Variants in DAPK1 observed in about 807,000 individuals in gnomAD.
DAPK1 encodes death associated protein kinase 1.
In DAPK1, 56 loss-of-function variants were observed where a neutral mutation model predicts 144.9. The ratio of observed to expected loss-of-function variants is 0.39; its 90% CI spans 0.31 to 0.48. The LOEUF (loss-of-function observed/expected upper bound fraction) is 0.48, where lower values mean the gene tolerates loss of function less well. DAPK1 is among the 20% of genes least tolerant of loss of function. The probability of loss-of-function intolerance (pLI) is 0.95; values close to 1 mark genes in which losing one functional copy is unlikely to be tolerated. For missense variants in DAPK1, 1,454 were observed against 1,875.4 expected, an observed-to-expected ratio of 0.78 and a Z score of 4.15; for synonymous variants, 690 against 749.0, an observed-to-expected ratio of 0.92 and a Z score of 1.29.
At chr9:87,567,037 T>C (rs1310591868) in intron 2 of DAPK1, among the ~76,000 whole-genome samples, 1 of 148,466 alleles carries the variant, frequency 6.7e-6, no homozygotes, top group Non-Finnish European at 1.5e-5. Context: ...AGAATTCACG[T>C]TGGCAGTTAA....
At position 87,668,693 on chromosome 9, in the gene DAPK1, G is replaced by T. The variant is rs978620146; in HGVS notation, c.2001+19G>T. ...TCGAAAGGTGAGAAGTTCTGTTATA[G>T]GTCTGAAGTTCTCTACCTGTGTTTA... is the stretch of plus-strand genomic sequence containing the variant. On this transcript the variant is annotated intron_variant, in intron 19 of 25. Transcript: ENST00000408954. The T allele has an allele frequency of 2.9e-6, 3 of 1,018,216 alleles. No homozygotes were observed. The African/African-American group carries it at 4.7e-5, about 16-fold the overall frequency. 63.1% of individuals were successfully genotyped at this position (1,018,216 alleles called of 1,614,324 possible).
chr9:87,665,576 A>C (rs1831021492), intron 18 of DAPK1, among the ~76,000 whole-genome samples: 1 of 152,216 alleles, frequency 6.6e-6, no homozygotes, highest in Admixed American at 6.5e-5. Flanking sequence ...TTCCTTTGCG[A>C]AGCATATTAC....
chr9:87,604,893 TC>T (rs1395847758), intron 2 of DAPK1, 60 bp from the exon 3 acceptor site: 148 of 1,510,182 alleles, frequency 9.8e-5, no homozygotes, highest in Middle Eastern at 8.5e-4. Context: ...CCATGCCACA[TC>T]CTCACTCAAA....
At chr9:87,676,353 A>AGATCTC in intron 19 of DAPK1, among the ~76,000 whole-genome samples, 1 of 152,258 alleles carries the variant, frequency 6.6e-6, no homozygotes, top group Non-Finnish European at 1.5e-5. Context: ...ATAGATCATT[A>AGATCTC]CGTGGATGAA....
intron 17 of DAPK1, among the ~76,000 whole-genome samples, chr9:87,656,572 C>T (rs937565696): frequency 6.6e-6 from 1 of 152,314 alleles, no homozygotes; most frequent in East Asian, 1.9e-4. Flanking sequence ...TGCATTACTG[C>T]AGAAGATAAT....
intron 20 of DAPK1, among the ~76,000 whole-genome samples, chr9:87,685,379 C>T (rs566981869): frequency 2.3e-4 from 35 of 152,276 alleles, no homozygotes; most frequent in African/African-American, 7.9e-4. Flanking sequence ...GTGTTTGGAT[C>T]GCCTGTTTTA....
intron 10 of DAPK1, 40 bp from the exon 11 acceptor site, chr9:87,643,336 C>T (rs370472806): frequency 7.2e-6 from 9 of 1,256,638 alleles, no homozygotes; most frequent in African/African-American, 6.6e-5. Context: ...CCTTTTTCCT[C>T]CCCGCCCTCC....
intron 17 of DAPK1, among the ~76,000 whole-genome samples, chr9:87,652,310 A>G (rs866462117): frequency 2.2e-3 from 168 of 74,826 alleles, no homozygotes; most frequent in East Asian, 7.0e-3. Context: ...ACCTGATCCC[A>G]GGTCCTGATT....
At chr9:87,528,540 C>A (rs893246569) in intron 2 of DAPK1, among the ~76,000 whole-genome samples, 1 of 152,112 alleles carries the variant, frequency 6.6e-6, no homozygotes, top group African/African-American at 2.4e-5. Flanking sequence ...TTTCTAATCC[C>A]TCTTCCTGGA....
At chr9:87,552,827 C>A (rs931417758) in intron 2 of DAPK1, among the ~76,000 whole-genome samples, 2 of 151,766 alleles carry the variant, frequency 1.3e-5, no homozygotes, top group Non-Finnish European at 2.9e-5. Context: ...TCTAGAACTC[C>A]AGGCCTCAAG....
At chr9:87,609,802 G>A (rs1461952579) in intron 3 of DAPK1, among the ~76,000 whole-genome samples, 2 of 152,174 alleles carry the variant, frequency 1.3e-5, no homozygotes. Flanking sequence ...TTTCCGTGTG[G>A]ATATAGTTTT....
intron 2 of DAPK1, among the ~76,000 whole-genome samples, chr9:87,516,165 TCTC>T (rs1024650996): frequency 6.6e-6 from 1 of 152,156 alleles, no homozygotes; most frequent in Non-Finnish European, 1.5e-5. Context: ...CTTCTGCCCT[TCTC>T]CTTGGTGTGG....
intron 2 of DAPK1, among the ~76,000 whole-genome samples, chr9:87,561,738 CTTAAG>C (rs1826934602): frequency 6.6e-6 from 1 of 152,154 alleles, no homozygotes; most frequent in Non-Finnish European, 1.5e-5. Context: ...CAGCAGTTTA[CTTAAG>C]TTAAAGGTTC....
At chr9:87,568,141 A>G (rs753386023) in intron 2 of DAPK1, among the ~76,000 whole-genome samples, 1 of 152,220 alleles carries the variant, frequency 6.6e-6, no homozygotes, top group East Asian at 1.9e-4. Context: ...CCACCCAGGC[A>G]TAAGGCACCG....
chr9:87,607,530 T>C (rs1828773005), intron 3 of DAPK1, among the ~76,000 whole-genome samples: 1 of 152,202 alleles, frequency 6.6e-6, no homozygotes, highest in African/African-American at 2.4e-5. Context: ...AATTCATAGA[T>C]AGTTCCCATT....
intron 2 of DAPK1, among the ~76,000 whole-genome samples, chr9:87,573,284 A>T (rs1425584717): frequency 1.3e-5 from 2 of 152,104 alleles, no homozygotes; most frequent in Non-Finnish European, 2.9e-5. Flanking sequence ...TTCCTTTCCT[A>T]CCTTGTAACC....
chr9:87,679,776 G>A (rs1412136262), intron 19 of DAPK1, among the ~76,000 whole-genome samples: 6 of 152,122 alleles, frequency 3.9e-5, no homozygotes, highest in Non-Finnish European at 7.3e-5. Flanking sequence ...CATATCAGAT[G>A]GAAAAAGAAG....
Position 87,570,528 on chromosome 9 carries a change from T to TA in DAPK1, c.63-34418dup, listed in dbSNP as rs142039476. On this transcript the variant is annotated intron_variant, in intron 2 of 25. Transcript: ENST00000408954. ...CCCATTCTTTTCATTATTTTGTATGTAAAAAAAACCCAAAAAGCCAGTTGT... is the reference window on the plus strand; with the variant it reads ...CCCATTCTTTTCATTATTTTGTATGTAAAAAAAAACCCAAAAAGCCAGTTGT... Among the ~76,000 whole-genome samples, 1,415 of 152,118 alleles carry TA rather than the reference T, an allele frequency of 9.3e-3. 19 individuals are homozygous for TA. The highest frequency in any genetic ancestry group is 0.033 in the African/African-American group (1,355 of 41,482).
Position 87,573,623 on chromosome 9 carries a change from T to A in DAPK1, c.63-31331T>A, listed in dbSNP as rs578180161. ...TCCTGACCACCAAGGATCAGACTTC[T>A]GGAAGAAGAAAGTGGCTTCAACTCC... is the stretch of plus-strand genomic sequence containing the variant. On this transcript the variant is annotated intron_variant, in intron 2 of 25. Coordinates refer to ENST00000408954, the MANE Select transcript of DAPK1 (RefSeq NM_004938.4). 1.4e-4 allele frequency among the ~76,000 whole-genome samples: 22 copies of A among 152,338 alleles called. No homozygotes were observed. In the East Asian group the frequency reaches 4.2e-3, roughly 29 times the overall value.
Sources: allele counts gnomAD v4.1 joint callset (sites outside exome capture counted in the v4.1 genomes callset), GRCh38; gene constraint gnomAD v4.1.1; transcripts MANE v1.5; gene names NCBI Gene and HGNC (gene_info 2026-07-23, HGNC 2026-07-21).